Variants in LHFPL3 observed in about 807,000 individuals in gnomAD.
LHFPL3 encodes the protein LHFPL tetraspan subfamily member 3 protein.
A neutral mutation model predicts 19.3 loss-of-function variants in LHFPL3; 5 were observed. The observed-to-expected ratio is 0.26, with a 90% CI of 0.14 to 0.54. The LOEUF is 0.54. Among genes scored for constraint, LHFPL3 ranks in the 20% least tolerant of loss-of-function variants. The pLI is 0.94. For synonymous variants in LHFPL3, 133 were observed against 126.2 expected (o/e 1.05, Z -0.36); for missense variants, 249 against 307.4 (o/e 0.81, Z 1.42).
intron 1 of LHFPL3, among the ~76,000 whole-genome samples, chr7:104,478,021 G>A (rs1281829357): frequency 6.6e-6 from 1 of 152,146 alleles, no homozygotes; most frequent in Admixed American, 6.6e-5. Flanking sequence ...TATTTTGCAT[G>A]GAGAAATGAT....
chr7:104,884,743 T>C (rs145738526), intron 2 of LHFPL3, among the ~76,000 whole-genome samples: 1 of 152,156 alleles, frequency 6.6e-6, no homozygotes, highest in Non-Finnish European at 1.5e-5. Flanking sequence ...TGGTGAAATG[T>C]GTGGGTTGAG....
intron 2 of LHFPL3, among the ~76,000 whole-genome samples, chr7:104,766,412 C>T (rs1202869428): frequency 6.6e-6 from 1 of 152,164 alleles, no homozygotes; most frequent in Non-Finnish European, 1.5e-5. Context: ...TGGATTGTTT[C>T]TCATCTATGC....
chr7:104,561,382 T>C (rs1054805045), intron 1 of LHFPL3, among the ~76,000 whole-genome samples: 2 of 150,482 alleles, frequency 1.3e-5, no homozygotes, highest in Non-Finnish European at 2.9e-5. Flanking sequence ...TGGGTGCATA[T>C]ATATTTAGGA....
chr7:104,744,005 T>C (rs1408672840), intron 2 of LHFPL3: 1 of 151,126 alleles, frequency 6.6e-6, no homozygotes, highest in Non-Finnish European at 1.5e-5. Flanking sequence ...ACCCTGCAAA[T>C]TTTTTTTGGT....
intron 1 of LHFPL3, among the ~76,000 whole-genome samples, chr7:104,487,085 T>G (rs1440119871): frequency 6.6e-6 from 1 of 152,200 alleles, no homozygotes; most frequent in African/African-American, 2.4e-5. Flanking sequence ...TTTCTTCCAG[T>G]TTCATTTTCA....
chr7:104,421,713 G>A (rs1324973205), intron 1 of LHFPL3, among the ~76,000 whole-genome samples: 1 of 152,186 alleles, frequency 6.6e-6, no homozygotes, highest in Non-Finnish European at 1.5e-5. Flanking sequence ...AATTTGCCAA[G>A]ATATGGAGGA....
intron 1 of LHFPL3, among the ~76,000 whole-genome samples, chr7:104,437,358 A>G (rs1792129493): frequency 6.6e-6 from 1 of 152,196 alleles, no homozygotes; most frequent in Non-Finnish European, 1.5e-5. Flanking sequence ...TCAACACAAC[A>G]CAGAACACTT....
chr7:104,754,612 C>G (rs74555579), intron 2 of LHFPL3, among the ~76,000 whole-genome samples: 94 of 152,286 alleles, frequency 6.2e-4, no homozygotes, highest in African/African-American at 2.1e-3. Flanking sequence ...AAGTACGGCA[C>G]TTAGCTCAGT....
chr7:104,522,278 A>C (rs1794082340), intron 1 of LHFPL3, among the ~76,000 whole-genome samples: 1 of 151,842 alleles, frequency 6.6e-6, no homozygotes, highest in African/African-American at 2.4e-5. Context: ...TCAGTAAACT[A>C]TCACAAGAAC....
At chr7:104,338,990 G>A (rs540939659) in intron 1 of LHFPL3, among the ~76,000 whole-genome samples, 1 of 152,338 alleles carries the variant, frequency 6.6e-6, no homozygotes, top group Admixed American at 6.5e-5. Context: ...GCTCACGCCT[G>A]TAATCTCAGC....
At chr7:104,752,314 T>A (rs1324193120) in intron 2 of LHFPL3, among the ~76,000 whole-genome samples, 1 of 152,056 alleles carries the variant, frequency 6.6e-6, no homozygotes, top group Non-Finnish European at 1.5e-5. Context: ...CTTTCTGGGA[T>A]TTTTTCCTTG....
chr7:104,545,470 T>C (rs915828416), intron 1 of LHFPL3, among the ~76,000 whole-genome samples: 9 of 152,184 alleles, frequency 5.9e-5, no homozygotes, highest in Non-Finnish European at 1.3e-4. Flanking sequence ...TTGCCCTGTT[T>C]GCTTGAATTA....
At chr7:104,735,700 G>A (rs557834212) in intron 1 of LHFPL3, among the ~76,000 whole-genome samples, 3 of 152,218 alleles carry the variant, frequency 2.0e-5, no homozygotes, top group Non-Finnish European at 4.4e-5. Context: ...TTCAGCTTAC[G>A]CTCGGTGCAC....
chr7:104,502,148 AT>A (rs1164651436), intron 1 of LHFPL3, among the ~76,000 whole-genome samples: 1 of 152,278 alleles, frequency 6.6e-6, no homozygotes, highest in East Asian at 1.9e-4. Flanking sequence ...ATTAATTCAG[AT>A]TTTTTTCACA....
chr7:104,413,851 C>T (rs146055405), intron 1 of LHFPL3, among the ~76,000 whole-genome samples: 4 of 152,282 alleles, frequency 2.6e-5, no homozygotes, highest in African/African-American at 9.6e-5. Flanking sequence ...CTTCTTATAG[C>T]TGGAATCACC....
chr7:104,778,009 G>A (rs1446705455), intron 2 of LHFPL3, among the ~76,000 whole-genome samples: 1 of 152,126 alleles, frequency 6.6e-6, no homozygotes, highest in Non-Finnish European at 1.5e-5. Context: ...CCCAAACAGT[G>A]CTCACCTAAG....
chr7:104,349,288 C>T (rs181511223), intron 1 of LHFPL3, among the ~76,000 whole-genome samples: 2 of 152,144 alleles, frequency 1.3e-5, no homozygotes, highest in Admixed American at 6.5e-5. Context: ...ATTGTTTTTT[C>T]TTATAAAATA....
intron 1 of LHFPL3, among the ~76,000 whole-genome samples, chr7:104,335,133 G>C (rs1789769086): frequency 6.6e-6 from 1 of 152,138 alleles, no homozygotes; most frequent in South Asian, 2.1e-4. Flanking sequence ...GATGTACTCA[G>C]GTGTAGACTC....
chr7:104,819,713 G>A (rs1308953610), intron 2 of LHFPL3, among the ~76,000 whole-genome samples: 1 of 152,116 alleles, frequency 6.6e-6, no homozygotes, highest in Non-Finnish European at 1.5e-5. Context: ...ACGACCTTTT[G>A]GGATTCCAGT....
Sources: gnomAD v4.1 joint callset for allele counts (sites outside exome capture counted in the v4.1 genomes callset) on GRCh38, gnomAD v4.1.1 for gene constraint, MANE v1.5 for transcripts, NCBI Gene and HGNC (gene_info 2026-07-23, HGNC 2026-07-21) for gene names.